The following UBXN11 variants were observed in gnomAD, a reference collection of about 807,000 sequenced individuals.
The protein encoded by UBXN11 is UBX domain protein 11.
UBXN11 carries 47 observed loss-of-function variants against 62.8 expected under a neutral mutation model. The ratio of observed to expected loss-of-function variants is 0.75; its 90% CI spans 0.59 to 0.95. The LOEUF (loss-of-function observed/expected upper bound fraction) is 0.95, where lower values mean the gene tolerates loss of function less well. Ranked by LOEUF, UBXN11 falls within the 40% of genes least tolerant of loss-of-function variation. UBXN11 has a pLI of 0.00. For missense variants in UBXN11, 638 were observed against 661.7 expected (o/e 0.96, Z 0.39); for synonymous variants, 294 against 267.0 (o/e 1.10, Z -0.99).
chr1:26,296,551 G>C (rs2073396931), intron 7 of UBXN11, among the ~76,000 whole-genome samples: 1 of 152,236 alleles, frequency 6.6e-6, no homozygotes, highest in African/African-American at 2.4e-5. Context: ...CAAAGACCCA[G>C]AGGAAGGGCC....
intron 4 of UBXN11, among the ~76,000 whole-genome samples, chr1:26,300,146 G>C (rs1179782426): frequency 1.3e-5 from 2 of 152,264 alleles, no homozygotes; most frequent in Admixed American, 6.5e-5. Context: ...AGGGGCCTGA[G>C]GGAGAATCAT....
chr1:26,291,433 A>G (rs1318582029), intron 8 of UBXN11, among the ~76,000 whole-genome samples: 2 of 152,242 alleles, frequency 1.3e-5, no homozygotes, highest in Non-Finnish European at 1.5e-5. Flanking sequence ...GGGACCACAG[A>G]TATGGCCAGG....
rs751168794 is a variant in UBXN11 at position 26,298,022 on chromosome 1, C to T, written c.240G>A (p.Thr80=). 48 of 1,613,864 alleles carry T rather than the reference C, an allele frequency of 3.0e-5. No individual in the cohort carries two copies. The highest frequency in any genetic ancestry group is 3.5e-5 in the Non-Finnish European group (41 of 1,179,998). ...SHDSELMAFM[T]RKLWDLEQQV... ...GCTGCTCCAGGTCCCACAACTTCCT[C>T]GTCATGAAGGCCATCAGCTCCGAGT... is the stretch of plus-strand genomic sequence containing the variant. The change falls in exon 5 of 15, where the codon ACG becomes ACA. Residue 80 remains threonine (T), a synonymous_variant. Transcript: ENST00000374222.
At chr1:26,299,288 G>C (rs1401162109) in intron 4 of UBXN11, among the ~76,000 whole-genome samples, 1 of 152,022 alleles carries the variant, frequency 6.6e-6, no homozygotes, top group Admixed American at 6.6e-5. Flanking sequence ...GAGGCGGGCA[G>C]ATCACTTGAG....
chr1:26,285,261 G>T (rs2073100335), intron 10 of UBXN11: 1 of 1,348,744 alleles, frequency 7.4e-7, no homozygotes. Context: ...GGTGCCAGCA[G>T]AGGGCGCTGC....
chr1:26,296,420 G>A (rs7541416), intron 7 of UBXN11, among the ~76,000 whole-genome samples: 22,295 of 152,246 alleles, frequency 0.15, 1,839 homozygotes, highest in African/African-American at 0.21. Flanking sequence ...CTGCCTAGGA[G>A]GCCCGGGGGA....
chr1:26,299,588 G>A (rs1210465160), intron 4 of UBXN11, among the ~76,000 whole-genome samples: 1 of 151,832 alleles, frequency 6.6e-6, no homozygotes, highest in Non-Finnish European at 1.5e-5. Flanking sequence ...GAGCCTAGAA[G>A]CAGAGGGTAA....
chr1:26,300,252 T>C (rs1204015734), intron 4 of UBXN11, among the ~76,000 whole-genome samples: 1 of 152,170 alleles, frequency 6.6e-6, no homozygotes, highest in African/African-American at 2.4e-5. Flanking sequence ...CCGAGGAGCA[T>C]CTCATTGAAT....
At chr1:26,300,333 G>A (rs1434795341) in intron 4 of UBXN11, among the ~76,000 whole-genome samples, 4 of 152,196 alleles carry the variant, frequency 2.6e-5, no homozygotes, top group African/African-American at 9.7e-5. Context: ...AGAGAGATGC[G>A]AAGTTGCTTG....
At position 26,282,526 on chromosome 1, in the gene UBXN11, G is replaced by A. The variant is rs745844837; in HGVS notation, c.1336C>T (p.Pro446Ser). Reference sequence around the variant, plus strand: ...AGTGTATCGTCCTGGTAGAGGGTGGGCGGGAATGTGCTGAAGATCTCAAAG... The same window carrying A: ...AGTGTATCGTCCTGGTAGAGGGTGGACGGGAATGTGCTGAAGATCTCAAAG... ...SAFEIFSTFP[P>S]TLYQDDTLTL... Residue 446 changes from proline (P) to serine (S), a missense_variant, in exon 15 of 15, where the codon CCC (proline) becomes TCC (serine). By Grantham distance (74) the Pro-to-Ser change is moderately conservative. Coordinates refer to ENST00000374222, the MANE Select transcript of UBXN11 (RefSeq NM_001389556.1). 2 of 1,596,682 alleles carry A rather than the reference G, an allele frequency of 1.3e-6. No individual in the cohort carries two copies. The highest frequency in any genetic ancestry group is 2.2e-5 in the South Asian group (2 of 89,688).
At chr1:26,284,290 G>A in intron 11 of UBXN11, 45 bp from the exon 12 acceptor site, 2 of 1,609,712 alleles carry the variant, frequency 1.2e-6, no homozygotes, top group Non-Finnish European at 1.7e-6. Context: ...GACTATGAGT[G>A]GTGGTGGAGC....
intron 10 of UBXN11, 68 bp from the exon 11 acceptor site, chr1:26,284,550 C>T (rs1009898737): frequency 2.2e-5 from 34 of 1,517,230 alleles, no homozygotes; most frequent in Non-Finnish European, 2.7e-5. Context: ...ACTTTCATCC[C>T]TATTTGCCTA....
In UBXN11 at chr1:26,282,874, C is replaced by CAGCCTG; in HGVS notation, c.1140_1141insCAGGCT (p.Ala380_Glu381insGlnAla). 1 of 1,614,182 alleles carries CAGCCTG rather than the reference C, an allele frequency of 6.2e-7. No individual in the cohort carries two copies. Among genetic ancestry groups the CAGCCTG allele is most frequent in the African/African-American group, 1.3e-5 (1 of 75,056 alleles). ...TCATCCCGCCCTCACCTCTCTCGCT[C>CAGCCTG]AGCGGCCAAGGTGGGCGTCTCCACC... On this transcript the variant is annotated inframe_insertion, in exon 13 of 15. Coordinates refer to ENST00000374222, the MANE Select transcript of UBXN11 (RefSeq NM_001389556.1).
chr1:26,283,043 A>T, intron 12 of UBXN11, 106 bp from the exon 13 acceptor site: 1 of 1,441,084 alleles, frequency 6.9e-7, no homozygotes. Flanking sequence ...GAGACCAGTG[A>T]GCAAAGCGGG....
At position 26,302,452 on chromosome 1, in the gene UBXN11, T is replaced by C. The variant is rs953523157; in HGVS notation, c.71+361A>G. On this transcript the variant is annotated intron_variant, in intron 2 of 14. Transcript: ENST00000374222. ...AGAGGTAAAAAATGTTTTGAAAACA[T>C]GAAAGTGCTAGACAGATGTAAAAGA... Among the ~76,000 whole-genome samples, 3 of 142,766 alleles carry C rather than the reference T, an allele frequency of 2.1e-5. No homozygotes were observed. In the Admixed American group the frequency reaches 2.1e-4, roughly 10 times the overall value. The allele number at this position is 142,766 out of a possible 152,430, so 93.7% of individuals were successfully genotyped here. A position where few individuals can be genotyped will look rare whatever the true frequency, so the allele number is the denominator to read the frequency against.
chr1:26,296,805 G>T (rs547340820), intron 7 of UBXN11, 114 bp downstream of exon 7: 1 of 1,084,798 alleles, frequency 9.2e-7, no homozygotes, highest in Non-Finnish European at 1.3e-6. Context: ...CCCTGGGTGG[G>T]ATGTGACGAG....
chr1:26,303,821 A>G (rs1027574249), intron 1 of UBXN11, among the ~76,000 whole-genome samples: 6 of 152,110 alleles, frequency 3.9e-5, no homozygotes, highest in Non-Finnish European at 8.8e-5. Context: ...CGCCAAGCTC[A>G]AAGGAAGCAC....
chr1:26,302,606 C>G (rs753636129), intron 2 of UBXN11, among the ~76,000 whole-genome samples: 20 of 152,072 alleles, frequency 1.3e-4, no homozygotes, highest in Non-Finnish European at 1.9e-4. Flanking sequence ...GGGCCCATAC[C>G]TTACTAAAAG....
At chr1:26,316,986 T>C (rs965014337) in intron 1 of UBXN11, among the ~76,000 whole-genome samples, 2 of 151,766 alleles carry the variant, frequency 1.3e-5, no homozygotes, top group Admixed American at 6.6e-5. Flanking sequence ...CCCAGCACTT[T>C]GGGAGGCCGA....
Sources: allele counts gnomAD v4.1 joint callset (sites outside exome capture counted in the v4.1 genomes callset), GRCh38; gene constraint gnomAD v4.1.1; transcripts MANE v1.5; gene names NCBI Gene and HGNC (gene_info 2026-07-23, HGNC 2026-07-21).